NOS2: variants seen among roughly 807,000 people sequenced by gnomAD.
NOS2 encodes nitric oxide synthase, inducible.
Under a neutral mutation model 136.0 loss-of-function variants are expected in NOS2, and 96 were observed. The observed-to-expected ratio is 0.71, with a 90% CI of 0.60 to 0.84. The LOEUF (loss-of-function observed/expected upper bound fraction) is 0.84. Ranked by LOEUF, NOS2 falls within the 40% of genes least tolerant of loss-of-function variation. The pLI is 0.00. For missense variants in NOS2, 1,237 were observed against 1,496.9 expected, an observed-to-expected ratio of 0.83 and a Z score of 2.87; for synonymous variants, 539 against 587.5, an observed-to-expected ratio of 0.92 and a Z score of 1.20.
At chr17:27,793,276 C>G (rs971357408) in intron 2 of NOS2, among the ~76,000 whole-genome samples, 1 of 152,114 alleles carries the variant, frequency 6.6e-6, no homozygotes, top group African/African-American at 2.4e-5. Flanking sequence ...CATATTTGAT[C>G]CAAAGAGTGT....
intron 9 of NOS2, among the ~76,000 whole-genome samples, chr17:27,779,649 A>G (rs4795067): frequency 0.31 from 47,165 of 152,120 alleles, 7,640 homozygotes; most frequent in South Asian, 0.41. Context: ...GCAAACCTAT[A>G]TTAAGCTTCA....
chr17:27,775,225 C>T (rs1908622333), intron 11 of NOS2, among the ~76,000 whole-genome samples: 1 of 152,074 alleles, frequency 6.6e-6, no homozygotes, highest in Non-Finnish European at 1.5e-5. Context: ...TTTGGGAGGC[C>T]GAGGTGGGAG....
At chr17:27,785,572 C>A (rs1189893741) in intron 5 of NOS2, among the ~76,000 whole-genome samples, 1 of 152,168 alleles carries the variant, frequency 6.6e-6, no homozygotes, top group South Asian at 2.1e-4. Flanking sequence ...GTCTACTGTG[C>A]AGCCAGGGTT....
Position 27,772,302 on chromosome 17 carries a change from C to T in NOS2, c.1704+6G>A. 3.1e-6 allele frequency: 5 copies of T among 1,614,132 alleles called. No individual in the cohort carries two copies. Among genetic ancestry groups the T allele is most frequent in the Non-Finnish European group, 3.4e-6 (4 of 1,180,026 alleles). ...AAAAACAACAGCCATCCCACTGAGC[C>T]AGTACCTTGGGGTTGAAGGCACAGC... On this transcript the variant is annotated splice_donor_region_variant and intron_variant, in intron 14 of 26. Coordinates refer to ENST00000313735, the MANE Select transcript of NOS2 (RefSeq NM_000625.4).
At chr17:27,798,649 G>A (rs374380268) in intron 2 of NOS2, 51 bp downstream of exon 2, 1 of 1,128,558 alleles carries the variant, frequency 8.9e-7, no homozygotes, top group Admixed American at 1.7e-5. Context: ...GTGCCGACAG[G>A]GCATGGGTGC....
chr17:27,760,702 G>GC lies in NOS2; in HGVS notation c.2930dup (p.Cys977TrpfsTer23). 6.4e-7 allele frequency: 1 copy of GC among 1,550,818 alleles called. No individual in the cohort carries two copies. Among genetic ancestry groups the GC allele is most frequent in the Non-Finnish European group, 8.7e-7 (1 of 1,147,068 alleles). On this transcript the variant is annotated frameshift_variant, in exon 24 of 27. Transcript: ENST00000313735. LOFTEE classifies it high-confidence loss of function. ...TGCCTGTGCCAGGCCCGATGAGGAT[G>GC]CAAGGATGGGAGGGATCCTCGGGGA...
intron 26 of NOS2, among the ~76,000 whole-genome samples, chr17:27,758,204 G>A (rs1378813157): frequency 6.6e-6 from 1 of 152,180 alleles, no homozygotes; most frequent in Non-Finnish European, 1.5e-5. Context: ...ACGTATGAAT[G>A]TGTCTTAGGG....
intron 2 of NOS2, 54 bp downstream of exon 2, chr17:27,798,646 C>G (rs1157698944): frequency 1.2e-5 from 13 of 1,087,398 alleles, no homozygotes; most frequent in Non-Finnish European, 1.7e-5. Flanking sequence ...TCGGTGCCGA[C>G]AGGGCATGGG....
chr17:27,795,336 A>G (rs566408872), intron 2 of NOS2, among the ~76,000 whole-genome samples: 1 of 152,240 alleles, frequency 6.6e-6, no homozygotes, highest in Non-Finnish European at 1.5e-5. Flanking sequence ...ATTGACCTCC[A>G]GTAAGTCACT....
At position 27,799,022 on chromosome 17, in the gene NOS2, A is replaced by G. The variant is rs959131763; in HGVS notation, c.-73-140T>C. The stretch of plus-strand genomic sequence containing the variant: ...TCAATGCTTTGCAACCTCTGTCTCT[A>G]TTTCGGGGTTGGAATGGGGAGCCTT... On this transcript the variant is annotated intron_variant, in intron 1 of 26. Transcript: ENST00000313735. 35 of 585,820 alleles carry G rather than the reference A, an allele frequency of 6.0e-5. No homozygotes were observed. The East Asian group carries it at 7.9e-4, about 13-fold the overall frequency. The allele number at this position is 585,820 out of a possible 1,614,324, so 36.3% of individuals were successfully genotyped here. A position where few individuals can be genotyped will look rare whatever the true frequency, so the allele number is the denominator to read the frequency against.
At position 27,764,962 on chromosome 17, in the gene NOS2, GCT is replaced by G. The variant is rs200978943; in HGVS notation, c.2428+571_2428+572del. On this transcript the variant is annotated intron_variant, in intron 20 of 26. Transcript: ENST00000313735. ...CCTGGACAGTGGGGGTCACTGCCAG[GCT>G]CTGTTTCTCTGATCCCACTTTCTTT... Among the ~76,000 whole-genome samples, 11 of 152,278 alleles carry G rather than the reference GCT, an allele frequency of 7.2e-5. No individual in the cohort carries two copies. The East Asian group carries it at 1.9e-3, about 27-fold the overall frequency.
chr17:27,777,966 C>T (rs1908711236), intron 11 of NOS2, among the ~76,000 whole-genome samples: 2 of 151,320 alleles, frequency 1.3e-5, no homozygotes, highest in Non-Finnish European at 2.9e-5. Flanking sequence ...CACTTGAGCC[C>T]AGGAGGTCAA....
chr17:27,800,283 G>A (rs1229543009), intron 1 of NOS2, 56 bp downstream of exon 1: 2 of 152,164 alleles, frequency 1.3e-5, no homozygotes, highest in Non-Finnish European at 2.9e-5. Context: ...TTCTCAAAGA[G>A]GAAGAAACAA....
intron 11 of NOS2, among the ~76,000 whole-genome samples, chr17:27,776,074 C>T (rs774817810): frequency 3.9e-5 from 6 of 152,084 alleles, no homozygotes; most frequent in African/African-American, 9.7e-5. Context: ...GAGGATACAA[C>T]GCCAGACAGA....
intron 15 of NOS2, 41 bp downstream of exon 15, chr17:27,770,871 GC>G (rs1346762324): frequency 6.8e-7 from 1 of 1,473,812 alleles, no homozygotes; most frequent in South Asian, 1.1e-5. Flanking sequence ...GTCCTCCCGT[GC>G]CCTACCACCC....
chr17:27,772,896 G>A (rs2067636121), intron 13 of NOS2, among the ~76,000 whole-genome samples: 1 of 152,140 alleles, frequency 6.6e-6, no homozygotes, highest in Non-Finnish European at 1.5e-5. Context: ...AATTAGTCAG[G>A]CGTGGGTTTG....
chr17:27,775,545 T>A (rs1908631796), intron 11 of NOS2, among the ~76,000 whole-genome samples: 1 of 152,084 alleles, frequency 6.6e-6, no homozygotes, highest in Admixed American at 6.5e-5. Context: ...GAGGTTGCAG[T>A]GAGCCGAGAT....
chr17:27,762,750 A>T, intron 22 of NOS2, 48 bp downstream of exon 22: 1 of 1,330,218 alleles, frequency 7.5e-7, no homozygotes, highest in South Asian at 1.3e-5. Flanking sequence ...ACAGATGTCC[A>T]ATAATGGGCG....
In NOS2 at chr17:27,782,038, G is replaced by A. The variant is rs753719068; in HGVS notation, c.699C>T (p.Tyr233=). 8.1e-6 allele frequency: 13 copies of A among 1,614,034 alleles called. No homozygotes were observed. The East Asian group carries it at 2.5e-4, about 30-fold the overall frequency. ...MFEHICRHVR[Y]STNNGNIRSA... ...ACCTGATGTTGCCATTGTTGGTGGA[G>A]TAACGCACGTGTCTGCAGATGTGTT... is the stretch of plus-strand genomic sequence containing the variant. The change falls in exon 7 of 27, where the codon TAC becomes TAT. Residue 233 remains tyrosine (Y), a synonymous_variant. Transcript: ENST00000313735.
Sources: allele counts gnomAD v4.1 joint callset (sites outside exome capture counted in the v4.1 genomes callset), GRCh38; gene constraint gnomAD v4.1.1; transcripts MANE v1.5; gene names NCBI Gene and HGNC (gene_info 2026-07-23, HGNC 2026-07-21).